Variants in GRAMD2A observed in about 807,000 individuals in gnomAD.
The protein encoded by GRAMD2A is GRAM domain containing 2A, also known as GRAM domain-containing protein 2A.
GRAMD2A carries 37 observed loss-of-function variants against 51.1 expected under a neutral mutation model. The observed-to-expected ratio is 0.72, with a 90% CI of 0.56 to 0.95. GRAMD2A has a LOEUF of 0.95. GRAMD2A is among the 40% of genes least tolerant of loss of function. The pLI is 0.00. For missense variants in GRAMD2A, 414 were observed against 426.9 expected (o/e 0.97, Z 0.27); for synonymous variants, 136 against 157.1 (o/e 0.87, Z 1.01).
At chr15:72,192,167 G>A (rs2081772532) in intron 1 of GRAMD2A, among the ~76,000 whole-genome samples, 1 of 152,198 alleles carries the variant, frequency 6.6e-6, no homozygotes, top group Non-Finnish European at 1.5e-5. Context: ...AGGTATATAT[G>A]AAACAAACTT....
chr15:72,183,289 G>A (rs551794200), intron 1 of GRAMD2A, among the ~76,000 whole-genome samples: 1 of 149,158 alleles, frequency 6.7e-6, no homozygotes, highest in South Asian at 2.1e-4. Context: ...AGCCGAGGTG[G>A]GCAGATCACA....
At chr15:72,180,172 T>G (rs2081685896) in intron 1 of GRAMD2A, among the ~76,000 whole-genome samples, 1 of 152,150 alleles carries the variant, frequency 6.6e-6, no homozygotes, top group Non-Finnish European at 1.5e-5. Flanking sequence ...GAAGCTTTCC[T>G]CCTGGGGATA....
At position 72,163,608 on chromosome 15, in the gene GRAMD2A, C is replaced by T. The variant is rs2081506182; in HGVS notation, c.745+5G>A. 1 of 1,595,496 alleles carries T rather than the reference C, an allele frequency of 6.3e-7. No individual in the cohort carries two copies. The highest frequency in any genetic ancestry group is 1.8e-5 in the Admixed American group (1 of 54,656). On this transcript the variant is annotated splice_donor_5th_base_variant and intron_variant, in intron 9 of 11. Transcript: ENST00000309731. The stretch of plus-strand genomic sequence containing the variant: ...GTTGCCATGGACAAGCCCTCCCGAA[C>T]TTACCAGACATTGGAGGCTTCCTGG...
intron 1 of GRAMD2A, among the ~76,000 whole-genome samples, chr15:72,174,141 G>A (rs1468387047): frequency 5.3e-5 from 8 of 152,070 alleles, no homozygotes; most frequent in Admixed American, 2.0e-4. Flanking sequence ...CCACTCAATA[G>A]TGGTGTCTTC....
At chr15:72,186,478 C>T (rs2081734938) in intron 1 of GRAMD2A, among the ~76,000 whole-genome samples, 1 of 152,050 alleles carries the variant, frequency 6.6e-6, no homozygotes, top group African/African-American at 2.4e-5. Flanking sequence ...AAGCATGCCA[C>T]CACGCCCGGA....
In GRAMD2A at chr15:72,166,781, TG is replaced by T. The variant is rs1311486722; in HGVS notation, c.472-79del. 5 of 1,296,372 alleles carry T rather than the reference TG, an allele frequency of 3.9e-6. No homozygotes were observed. Among genetic ancestry groups the T allele is most frequent in the Non-Finnish European group, 5.6e-6 (5 of 898,548 alleles). 80.3% of individuals were successfully genotyped at this position (1,296,372 alleles called of 1,614,324 possible). A position where few individuals can be genotyped will look rare whatever the true frequency, so the allele number is the denominator to read the frequency against. On this transcript the variant is annotated intron_variant, in intron 6 of 11. Transcript: ENST00000309731. The surrounding 1 kb of genome is among the most constrained non-coding windows in gnomAD (Gnocchi z 4.1). ...TGTGCCAGCCAGCCCCCTTGTGGAT[TG>T]GGCACAGGCCCACAGGGGTATCAGG...
chr15:72,190,803 G>A (rs979310806), intron 1 of GRAMD2A, among the ~76,000 whole-genome samples: 56 of 152,290 alleles, frequency 3.7e-4, no homozygotes, highest in African/African-American at 1.1e-3. Flanking sequence ...GACTCTCAAC[G>A]TAGCCTATGA....
At chr15:72,168,610 AC>A in intron 3 of GRAMD2A, 44 bp from the exon 4 acceptor site, 1 of 1,530,934 alleles carries the variant, frequency 6.5e-7, no homozygotes, top group Non-Finnish European at 9.1e-7. Context: ...GGGAGATGAG[AC>A]CGCCAAAGGG....
chr15:72,175,340 G>T (rs1232450418), intron 1 of GRAMD2A, among the ~76,000 whole-genome samples: 1 of 152,142 alleles, frequency 6.6e-6, no homozygotes, highest in East Asian at 1.9e-4. Context: ...TGCCCAGAGG[G>T]CCAGCTGGGG....
At chr15:72,181,510 G>A (rs1263796385) in intron 1 of GRAMD2A, among the ~76,000 whole-genome samples, 1 of 152,252 alleles carries the variant, frequency 6.6e-6, no homozygotes, top group Non-Finnish European at 1.5e-5. Flanking sequence ...TCAGGTGAAA[G>A]GCTGTAGCTC....
chr15:72,169,703 A>C (rs2081588893), intron 2 of GRAMD2A, 144 bp downstream of exon 2: 1 of 711,200 alleles, frequency 1.4e-6, no homozygotes, highest in Non-Finnish European at 2.6e-6. Context: ...GGGAGGAAGA[A>C]GCCTGGGGCA....
chr15:72,177,437 T>G (rs1022080541), intron 1 of GRAMD2A, among the ~76,000 whole-genome samples: 2 of 152,206 alleles, frequency 1.3e-5, no homozygotes, highest in Non-Finnish European at 2.9e-5. Flanking sequence ...TCATCCTGAC[T>G]TCCAGCACCA....
At chr15:72,180,987 T>C (rs570263843) in intron 1 of GRAMD2A, among the ~76,000 whole-genome samples, 2 of 152,318 alleles carry the variant, frequency 1.3e-5, no homozygotes, top group East Asian at 3.9e-4. Context: ...AAGGAAGACT[T>C]TTCTGAAGAC....
chr15:72,169,281 A>G (rs1163358263), intron 2 of GRAMD2A: 1 of 519,984 alleles, frequency 1.9e-6, no homozygotes, highest in East Asian at 3.5e-5. Flanking sequence ...CTGGTCTCCC[A>G]GAGATGCTGA....
At chr15:72,190,158 C>G (rs2081758119) in intron 1 of GRAMD2A, among the ~76,000 whole-genome samples, 1 of 151,988 alleles carries the variant, frequency 6.6e-6, no homozygotes, top group Non-Finnish European at 1.5e-5. Context: ...GGGAGGATCA[C>G]AAGGTCAGGA....
At chr15:72,193,443 C>G (rs1342012423) in intron 1 of GRAMD2A, among the ~76,000 whole-genome samples, 1 of 152,036 alleles carries the variant, frequency 6.6e-6, no homozygotes, top group African/African-American at 2.4e-5. Context: ...GCCTCAAACT[C>G]CTGACCTCAG....
At position 72,162,859 on chromosome 15, in the gene GRAMD2A, C is replaced by G. The variant is rs1348001813; in HGVS notation, c.956+407G>C. 1.4e-5 allele frequency: 3 copies of G among 213,574 alleles called. No homozygotes were observed. The East Asian group carries it at 3.3e-4, about 23-fold the overall frequency. The allele number at this position is 213,574 out of a possible 1,614,324, so 13.2% of individuals were successfully genotyped here. A position where few individuals can be genotyped will look rare whatever the true frequency, so the allele number is the denominator to read the frequency against. Reference sequence around the variant, plus strand: ...GCTGTTCATGTCACTTCCCACGATGCTCCCTGCTCTACTGGTCCTTAGACA... The same window carrying G: ...GCTGTTCATGTCACTTCCCACGATGGTCCCTGCTCTACTGGTCCTTAGACA... On this transcript the variant is annotated intron_variant, in intron 10 of 11. Transcript: ENST00000309731.
intron 1 of GRAMD2A, among the ~76,000 whole-genome samples, chr15:72,171,018 C>T (rs1227055803): frequency 1.3e-5 from 2 of 152,216 alleles, no homozygotes; most frequent in African/African-American, 4.8e-5. Flanking sequence ...CCCACCATAC[C>T]ATTGTACAGA....
intron 1 of GRAMD2A, among the ~76,000 whole-genome samples, chr15:72,195,686 G>A (rs959258825): frequency 4.6e-5 from 7 of 152,294 alleles, no homozygotes; most frequent in Admixed American, 3.9e-4. Context: ...TTGAGAGGCT[G>A]AGGTGAGCAG....
Sources: allele counts gnomAD v4.1 joint callset (sites outside exome capture counted in the v4.1 genomes callset), GRCh38; gene constraint gnomAD v4.1.1; non-coding constraint Gnocchi (gnomAD v3.1); transcripts MANE v1.5; gene names NCBI Gene and HGNC (gene_info 2026-07-23, HGNC 2026-07-21).